PACRG: variants seen among roughly 807,000 people sequenced by gnomAD.
PACRG encodes parkin coregulated, also known as parkin coregulated gene protein.
A neutral mutation model predicts 29.7 loss-of-function variants in PACRG; 29 were observed. The ratio of observed to expected loss-of-function variants is 0.98; its 90% CI spans 0.73 to 1.33. The LOEUF is 1.33. PACRG is among the 40% of genes most tolerant of loss of function. The pLI, the probability that PACRG is intolerant of heterozygous loss-of-function variation, is 0.00. For missense variants in PACRG, 279 were observed against 316.2 expected (o/e 0.88, Z 0.89); for synonymous variants, 116 against 118.7 (o/e 0.98, Z 0.15).
intron 1 of PACRG, among the ~76,000 whole-genome samples, chr6:162,789,845 C>T (rs1286614300): frequency 6.6e-6 from 1 of 152,084 alleles, no homozygotes; most frequent in Admixed American, 6.6e-5. Context: ...TCATTTAGAC[C>T]ACTTTTAAAA....
chr6:163,071,632 A>G (rs970542397), intron 3 of PACRG, among the ~76,000 whole-genome samples: 1 of 151,876 alleles, frequency 6.6e-6, no homozygotes, highest in African/African-American at 2.4e-5. Flanking sequence ...AAAGAACTAG[A>G]AAAGTAAGAG....
At chr6:162,816,148 G>A (rs1192668254) in intron 2 of PACRG, among the ~76,000 whole-genome samples, 1 of 151,924 alleles carries the variant, frequency 6.6e-6, no homozygotes, top group Non-Finnish European at 1.5e-5. Context: ...ATTCTCTTAA[G>A]CTACTATTGA....
chr6:162,957,442 C>A, intron 2 of PACRG: 1 of 516,556 alleles, frequency 1.9e-6, no homozygotes, highest in Non-Finnish European at 3.7e-6. Context: ...TGGGCACACA[C>A]CACATGCAGA....
At chr6:163,194,327 T>G (rs1263350207) in intron 4 of PACRG, among the ~76,000 whole-genome samples, 2 of 152,224 alleles carry the variant, frequency 1.3e-5, no homozygotes, top group Admixed American at 6.5e-5. Context: ...GTTCTTCCTC[T>G]TGATGTCTCT....
At chr6:163,263,144 T>C (rs1260323188) in intron 4 of PACRG, among the ~76,000 whole-genome samples, 1 of 132,208 alleles carries the variant, frequency 7.6e-6, no homozygotes, top group African/African-American at 2.9e-5. Context: ...ACTTGATAAC[T>C]GGGGCCAGGT....
intron 3 of PACRG, among the ~76,000 whole-genome samples, chr6:163,087,850 C>A (rs776494874): frequency 1.3e-5 from 2 of 150,976 alleles, no homozygotes; most frequent in East Asian, 3.9e-4. Context: ...AGACTGGGAC[C>A]GGAGCAGAGG....
intron 4 of PACRG, among the ~76,000 whole-genome samples, chr6:163,314,004 C>T (rs992630176): frequency 2.0e-5 from 3 of 152,206 alleles, no homozygotes; most frequent in Non-Finnish European, 4.4e-5. Flanking sequence ...ATATCTCTTT[C>T]CTTAGTGATT....
At chr6:163,303,432 C>T (rs535247266) in intron 4 of PACRG, among the ~76,000 whole-genome samples, 1 of 152,266 alleles carries the variant, frequency 6.6e-6, no homozygotes, top group South Asian at 2.1e-4. Flanking sequence ...TTAACATTAC[C>T]TAGAAATGGA....
chr6:163,179,196 A>T (rs1242637199), intron 4 of PACRG: 2 of 455,808 alleles, frequency 4.4e-6, no homozygotes, highest in African/African-American at 2.0e-5. Context: ...TGCTCCTCAC[A>T]TGTGCGTCTT....
chr6:163,074,673 A>G (rs1351214008), intron 3 of PACRG, among the ~76,000 whole-genome samples: 1 of 152,176 alleles, frequency 6.6e-6, no homozygotes, highest in Non-Finnish European at 1.5e-5. Flanking sequence ...GTAACCTATA[A>G]ATATATATAC....
At chr6:163,221,968 C>T (rs961153284) in intron 4 of PACRG, among the ~76,000 whole-genome samples, 8 of 152,174 alleles carry the variant, frequency 5.3e-5, no homozygotes, top group Non-Finnish European at 1.2e-4. Flanking sequence ...TATGAGAATA[C>T]AGACAGGCTG....
intron 2 of PACRG, among the ~76,000 whole-genome samples, chr6:163,006,895 A>G (rs1265308415): frequency 4.0e-5 from 6 of 151,666 alleles, no homozygotes; most frequent in Non-Finnish European, 8.8e-5. Context: ...ACAATCTGGC[A>G]ATGTCTGCCT....
intron 1 of PACRG, among the ~76,000 whole-genome samples, chr6:162,781,574 T>C (rs1432217102): frequency 6.6e-6 from 1 of 151,834 alleles, no homozygotes; most frequent in Non-Finnish European, 1.5e-5. Flanking sequence ...TGTAATAAGG[T>C]TCATAACATA....
intron 2 of PACRG, among the ~76,000 whole-genome samples, chr6:162,909,572 A>T (rs1796168783): frequency 6.6e-6 from 1 of 151,708 alleles, no homozygotes; most frequent in Non-Finnish European, 1.5e-5. Flanking sequence ...AAAAAAAAAA[A>T]AAAATCATCC....
intron 2 of PACRG, among the ~76,000 whole-genome samples, chr6:163,017,669 TTGAG>T (rs1806231905): frequency 6.6e-6 from 1 of 151,988 alleles, no homozygotes; most frequent in South Asian, 2.1e-4. Flanking sequence ...GTAATCTTGA[TTGAG>T]AGAGAGAGAC....
chr6:162,886,324 TCTC>T (rs967009407), intron 2 of PACRG, among the ~76,000 whole-genome samples: 2 of 152,176 alleles, frequency 1.3e-5, no homozygotes, highest in African/African-American at 2.4e-5. Context: ...GCCAGGTCCT[TCTC>T]CTCCTTGGCC....
chr6:162,916,602 C>G (rs909652791), intron 2 of PACRG, among the ~76,000 whole-genome samples: 1 of 152,016 alleles, frequency 6.6e-6, no homozygotes. Flanking sequence ...CTATTTTATA[C>G]AAGCCATGTT....
intron 4 of PACRG, among the ~76,000 whole-genome samples, chr6:163,128,936 G>GTT (rs892121773): frequency 5.9e-5 from 9 of 151,944 alleles, no homozygotes; most frequent in African/African-American, 2.2e-4. Context: ...TCATCCATCT[G>GTT]TTTTTTTTGG....
intron 4 of PACRG, among the ~76,000 whole-genome samples, chr6:163,260,857 G>T (rs187289985): frequency 1.3e-4 from 20 of 152,328 alleles, no homozygotes; most frequent in African/African-American, 4.3e-4. Flanking sequence ...TGGGGACACA[G>T]CGTGTTGGCC....
Sources: gnomAD v4.1 joint callset for allele counts (sites outside exome capture counted in the v4.1 genomes callset) on GRCh38, gnomAD v4.1.1 for gene constraint, MANE v1.5 for transcripts, NCBI Gene and HGNC (gene_info 2026-07-23, HGNC 2026-07-21) for gene names.